GSTCD: variants seen among roughly 807,000 people sequenced by gnomAD.
The protein encoded by GSTCD is glutathione S-transferase C-terminal domain containing.
In GSTCD, 44 loss-of-function variants were observed where a neutral mutation model predicts 68.3. The observed-to-expected ratio is 0.64, with a 90% CI of 0.51 to 0.83. GSTCD has a LOEUF of 0.83. GSTCD is among the 40% of genes least tolerant of loss of function. The pLI, the probability that GSTCD is intolerant of heterozygous loss-of-function variation, is 0.00. For synonymous variants in GSTCD, 273 were observed against 255.2 expected (o/e 1.07, Z -0.67); for missense variants, 739 against 735.9 (o/e 1.00, Z -0.05).
chr4:105,820,813 A>G (rs1479265686), intron 5 of GSTCD, among the ~76,000 whole-genome samples: 1 of 151,898 alleles, frequency 6.6e-6, no homozygotes, highest in Non-Finnish European at 1.5e-5. Flanking sequence ...ATTAGCAAGA[A>G]AAATAGATCT....
chr4:105,765,965 C>T (rs1245178514), intron 5 of GSTCD, among the ~76,000 whole-genome samples: 1 of 152,130 alleles, frequency 6.6e-6, no homozygotes, highest in Admixed American at 6.5e-5. Flanking sequence ...TATAAATTAC[C>T]CAGCCTTGGA....
chr4:105,801,207 G>A (rs1736094411), intron 5 of GSTCD, among the ~76,000 whole-genome samples: 1 of 152,156 alleles, frequency 6.6e-6, no homozygotes, highest in Non-Finnish European at 1.5e-5. Context: ...TTTTGGCTAA[G>A]ATCAAGTGCA....
At chr4:105,765,989 CA>C (rs757489154) in intron 5 of GSTCD, among the ~76,000 whole-genome samples, 21 of 152,212 alleles carry the variant, frequency 1.4e-4, no homozygotes, top group Non-Finnish European at 3.1e-4. Flanking sequence ...TTCTTTGTAG[CA>C]GCGTGAGAAC....
intron 5 of GSTCD, chr4:105,821,170 T>A (rs1723268534): frequency 6.6e-6 from 1 of 151,928 alleles, no homozygotes. Context: ...CTTCTTGTTC[T>A]TATTCTTTCT....
At position 105,845,697 on chromosome 4, in the gene GSTCD, A is replaced by G; in HGVS notation, c.*120A>G. The G allele has an allele frequency of 3.0e-6, 3 of 1,009,710 alleles. No individual in the cohort carries two copies. Among genetic ancestry groups the G allele is most frequent in the Non-Finnish European group, 4.4e-6 (3 of 680,350 alleles). The allele number at this position is 1,009,710 out of a possible 1,614,324, so 62.5% of individuals were successfully genotyped here. On this transcript the variant is annotated 3_prime_UTR_variant, in exon 12 of 12. Transcript: ENST00000515279. ...TAGCCATCTTGAACCTATTGTGCTC[A>G]GGAAGGAAAGCAACAGGGAAATCTT...
At chr4:105,711,689 C>T (rs1732541603) in intron 1 of GSTCD, among the ~76,000 whole-genome samples, 1 of 152,180 alleles carries the variant, frequency 6.6e-6, no homozygotes, top group Non-Finnish European at 1.5e-5. Flanking sequence ...AGTGAGGAAA[C>T]AGATATGCAG....
chr4:105,767,277 GTAAGT>G (rs1170789025), intron 5 of GSTCD, among the ~76,000 whole-genome samples: 2 of 152,202 alleles, frequency 1.3e-5, no homozygotes, highest in Non-Finnish European at 2.9e-5. Context: ...TGTTATAAGA[GTAAGT>G]TACAGTCTAT....
intron 5 of GSTCD, chr4:105,753,203 A>G (rs965630405): frequency 3.3e-5 from 5 of 152,114 alleles, no homozygotes; most frequent in African/African-American, 4.8e-5. Context: ...TAAATTATTA[A>G]TGGGTAAATT....
rs547867934 is a variant in GSTCD at position 105,733,351 on chromosome 4, G to A, written c.1240+3852G>A. Among the ~76,000 whole-genome samples the A allele has an allele frequency of 3.9e-5, 6 of 152,336 alleles. 1 individual carries two copies. The highest frequency in any genetic ancestry group is 4.1e-4 in the South Asian group (2 of 4,828). Reference sequence around the variant, plus strand: ...TCTCTTTGTAGGTCTCTAAGGACTTGCTTTATGAATCTGGGTGTTCCTGTA... The same window carrying A: ...TCTCTTTGTAGGTCTCTAAGGACTTACTTTATGAATCTGGGTGTTCCTGTA... On this transcript the variant is annotated intron_variant, in intron 5 of 11. Transcript: ENST00000515279.
chr4:105,732,311 C>A (rs1005461815), intron 5 of GSTCD, among the ~76,000 whole-genome samples: 25 of 152,134 alleles, frequency 1.6e-4, no homozygotes, highest in Non-Finnish European at 2.2e-4. Flanking sequence ...GCTGTGAATC[C>A]GTCTGGTCCT....
intron 6 of GSTCD, 75 bp from the exon 7 acceptor site, chr4:105,823,156 G>T (rs1306054425): frequency 1.3e-6 from 2 of 1,583,050 alleles, no homozygotes; most frequent in Non-Finnish European, 1.7e-6. Flanking sequence ...TTTTTATTTG[G>T]CAAGATTGTG....
At chr4:105,733,758 G>C (rs527639431) in intron 5 of GSTCD, among the ~76,000 whole-genome samples, 1 of 152,322 alleles carries the variant, frequency 6.6e-6, no homozygotes, top group East Asian at 1.9e-4. Context: ...TTGCTCGTTA[G>C]TTGATGCAGT....
chr4:105,756,142 G>A (rs2149231363), intron 5 of GSTCD, among the ~76,000 whole-genome samples: 1 of 152,318 alleles, frequency 6.6e-6, no homozygotes, highest in African/African-American at 2.4e-5. Flanking sequence ...CTGAGCACAG[G>A]AGTTTCTGTC....
rs747110136 is a variant in GSTCD, at chr4:105,719,075, A to G, written c.442A>G (p.Arg148Gly). 3 of 1,610,936 alleles carry G rather than the reference A, an allele frequency of 1.9e-6. No individual in the cohort carries two copies. The African/African-American group carries it at 4.0e-5, about 22-fold the overall frequency. Residue 148 changes from arginine (R) to glycine (G), a missense_variant, in exon 3 of 12, where the codon AGG (arginine) becomes GGG (glycine). Transcript: ENST00000515279. ...KACAEVSQWT[R>G]LCELTIPLAI... Reference sequence around the variant, plus strand: ...TGTTTTGTAGGTTAGTCAGTGGACCAGGCTATGTGAACTCACCATCCCTTT... The same window carrying G: ...TGTTTTGTAGGTTAGTCAGTGGACCGGGCTATGTGAACTCACCATCCCTTT...
rs553347827 is a variant in GSTCD, at chr4:105,723,389, G to GA, written c.895-3182dup. Among the ~76,000 whole-genome samples the GA allele has an allele frequency of 3.2e-4, 48 of 151,352 alleles. 1 individual carries two copies. Among genetic ancestry groups the GA allele is most frequent in the African/African-American group, 7.5e-4 (31 of 41,334 alleles). On this transcript the variant is annotated intron_variant, in intron 3 of 11. Transcript: ENST00000515279. Reference sequence around the variant, plus strand: ...ACCAACCGCAGATTTAAAATATTTGGAAAAAAAATTGCATCTGTACTGAAC... The same window carrying GA: ...ACCAACCGCAGATTTAAAATATTTGGAAAAAAAAATTGCATCTGTACTGAAC...
chr4:105,829,924 T>G (rs189095319), intron 8 of GSTCD, among the ~76,000 whole-genome samples: 177 of 152,112 alleles, frequency 1.2e-3, no homozygotes, highest in Non-Finnish European at 2.1e-3. Context: ...ATAAAGTATT[T>G]TTTTAAAGAA....
chr4:105,771,531 T>A (rs1734846776), intron 5 of GSTCD, among the ~76,000 whole-genome samples: 1 of 152,236 alleles, frequency 6.6e-6, no homozygotes, highest in African/African-American at 2.4e-5. Context: ...TAATCCATCT[T>A]AAGTTAATTA....
At chr4:105,804,821 T>C (rs1237835750) in intron 5 of GSTCD, among the ~76,000 whole-genome samples, 1 of 152,014 alleles carries the variant, frequency 6.6e-6, no homozygotes, top group Non-Finnish European at 1.5e-5. Context: ...GCCCCCTGTG[T>C]GTGTTGCTCC....
At chr4:105,820,928 T>TG (rs1723253938) in intron 5 of GSTCD, 1 of 151,800 alleles carries the variant, frequency 6.6e-6, no homozygotes, top group Non-Finnish European at 1.5e-5. Flanking sequence ...ATTTAATAAT[T>TG]TTTTTCCTAT....
Sources: gnomAD v4.1 joint callset for allele counts (sites outside exome capture counted in the v4.1 genomes callset) on GRCh38, gnomAD v4.1.1 for gene constraint, MANE v1.5 for transcripts, NCBI Gene and HGNC (gene_info 2026-07-23, HGNC 2026-07-21) for gene names.